CDH13: variants seen among roughly 807,000 people sequenced by gnomAD.
CDH13 encodes cadherin 13, also known as cadherin-13.
CDH13 carries 24 observed loss-of-function variants against 63.8 expected under a neutral mutation model. The ratio of observed to expected loss-of-function variants is 0.38; its 90% CI spans 0.27 to 0.53. CDH13 has a LOEUF of 0.53. Ranked by LOEUF, CDH13 falls within the 20% of genes least tolerant of loss-of-function variation. The pLI, the probability that CDH13 is intolerant of heterozygous loss-of-function variation, is 0.85. For synonymous variants in CDH13, 503 were observed against 355.3 expected (o/e 1.42, Z -4.67); for missense variants, 1,049 against 903.1 (o/e 1.16, Z -2.07).
intron 3 of CDH13, among the ~76,000 whole-genome samples, chr16:83,057,907 G>A (rs996267059): frequency 2.0e-5 from 3 of 152,096 alleles, no homozygotes; most frequent in Non-Finnish European, 4.4e-5. Flanking sequence ...CAATGGTAAG[G>A]TTCCTCCCTA....
intron 11 of CDH13, among the ~76,000 whole-genome samples, chr16:83,767,925 A>T (rs1321645373): frequency 6.6e-6 from 1 of 152,176 alleles, no homozygotes; most frequent in African/African-American, 2.4e-5. Context: ...GGTAGTGGTG[A>T]TGGTCGCACA....
At chr16:83,327,284 A>G (rs905310040) in intron 5 of CDH13, among the ~76,000 whole-genome samples, 9 of 152,248 alleles carry the variant, frequency 5.9e-5, no homozygotes, top group Non-Finnish European at 1.3e-4. Context: ...TTTGAGAGTG[A>G]CAATAACTTC....
chr16:83,628,541 A>G (rs1910520252), intron 8 of CDH13, among the ~76,000 whole-genome samples: 1 of 151,996 alleles, frequency 6.6e-6, no homozygotes, highest in South Asian at 2.1e-4. Context: ...AGTGTCGTAC[A>G]TCTTTGGGCA....
Position 83,143,965 on chromosome 16 carries a change from T to C in CDH13, c.483+18464T>C, listed in dbSNP as rs572764946. ...TGAGACGAGACAGAAGGCTGGTGGTTGCTGCTCTGCTGGTTACCAGCTGTT... is the reference window on the plus strand; with the variant it reads ...TGAGACGAGACAGAAGGCTGGTGGTCGCTGCTCTGCTGGTTACCAGCTGTT... On this transcript the variant is annotated intron_variant, in intron 4 of 13. Transcript: ENST00000567109. 2.0e-5 allele frequency among the ~76,000 whole-genome samples: 3 copies of C among 152,242 alleles called. No individual in the cohort carries two copies. The South Asian group carries it at 6.2e-4, about 32-fold the overall frequency.
intron 5 of CDH13, among the ~76,000 whole-genome samples, chr16:83,341,452 A>G (rs2090720456): frequency 6.6e-6 from 1 of 152,170 alleles, no homozygotes; most frequent in Non-Finnish European, 1.5e-5. Flanking sequence ...ATAAGGCTGT[A>G]TTTACTAACA....
Position 83,257,386 on chromosome 16 carries a change from C to A in CDH13, c.636+39889C>A, listed in dbSNP as rs1469955602. Among the ~76,000 whole-genome samples, 9 of 151,892 alleles carry A rather than the reference C, an allele frequency of 5.9e-5. No homozygotes were observed. The East Asian group carries it at 1.7e-3, about 29-fold the overall frequency. ...TTATATAAGGAGTATTCAAGCAGAC[C>A]CCAAAGGCCAAAGTTCATGGATGAG... is the stretch of plus-strand genomic sequence containing the variant. On this transcript the variant is annotated intron_variant, in intron 5 of 13. Coordinates refer to ENST00000567109, the MANE Select transcript of CDH13 (RefSeq NM_001257.5).
chr16:82,724,253 A>G (rs1407387172), intron 1 of CDH13, among the ~76,000 whole-genome samples: 1 of 151,804 alleles, frequency 6.6e-6, no homozygotes, highest in Admixed American at 6.6e-5. Flanking sequence ...CCATCCATCT[A>G]TCCATCTATG....
At chr16:83,623,775 C>G (rs79386032) in intron 8 of CDH13, among the ~76,000 whole-genome samples, 1,843 of 152,282 alleles carry the variant, frequency 0.012, 45 homozygotes, top group African/African-American at 0.043. Flanking sequence ...ACTGAATTGT[C>G]CACTTGTACC....
At chr16:83,330,638 A>G (rs571185839) in intron 5 of CDH13, among the ~76,000 whole-genome samples, 1 of 152,228 alleles carries the variant, frequency 6.6e-6, no homozygotes, top group African/African-American at 2.4e-5. Flanking sequence ...CCAGAAAAAC[A>G]GAGGCCAACT....
At position 82,672,999 on chromosome 16, in the gene CDH13, C is replaced by CTTTTTTTTTTTTTTT. The variant is rs562942948; in HGVS notation, c.45+45868_45+45882dup. On this transcript the variant is annotated intron_variant, in intron 1 of 13. Transcript: ENST00000567109. ...GTATGGCTAATTTTTATAAAGTTTTCTTTTTTTTTTTTTTTTTTTTGTAGA... is the reference window on the plus strand; with the variant it reads ...GTATGGCTAATTTTTATAAAGTTTTCTTTTTTTTTTTTTTTTTTTTTTTTTTTTTTTTTTTGTAGA... 1.8e-3 allele frequency among the ~76,000 whole-genome samples: 148 copies of CTTTTTTTTTTTTTTT among 81,258 alleles called. 13 individuals carry two copies. The highest frequency in any genetic ancestry group is 2.4e-3 in the Non-Finnish European group (112 of 46,848). The allele number at this position is 81,258 out of a possible 152,430, so 53.3% of individuals were successfully genotyped here. A position where few individuals can be genotyped will look rare whatever the true frequency, so the allele number is the denominator to read the frequency against.
At chr16:83,431,175 C>G (rs910242876) in intron 6 of CDH13, among the ~76,000 whole-genome samples, 2 of 151,780 alleles carry the variant, frequency 1.3e-5, no homozygotes, top group African/African-American at 2.4e-5. Context: ...GCATAGTATT[C>G]CATGGTGTAT....
At chr16:82,804,422 T>A (rs1429437481) in intron 1 of CDH13, among the ~76,000 whole-genome samples, 1 of 152,138 alleles carries the variant, frequency 6.6e-6, no homozygotes, top group African/African-American at 2.4e-5. Context: ...ATATAAAACA[T>A]ATCAAATTGT....
chr16:82,632,077 G>A (rs1349211889), intron 1 of CDH13, among the ~76,000 whole-genome samples: 6 of 152,066 alleles, frequency 3.9e-5, no homozygotes, highest in Non-Finnish European at 7.4e-5. Flanking sequence ...GTCAGGTCAG[G>A]CAACCCTAGA....
chr16:83,576,273 G>A (rs1163528802), intron 7 of CDH13, among the ~76,000 whole-genome samples: 7 of 152,116 alleles, frequency 4.6e-5, no homozygotes, highest in African/African-American at 7.2e-5. Context: ...TGACATTTTC[G>A]TGTCTGGAGT....
chr16:82,660,244 A>G (rs1911775941), intron 1 of CDH13, among the ~76,000 whole-genome samples: 1 of 152,154 alleles, frequency 6.6e-6, no homozygotes, highest in Admixed American at 6.5e-5. Context: ...AAGATTAGGA[A>G]CCTGGAGATA....
intron 2 of CDH13, among the ~76,000 whole-genome samples, chr16:82,920,867 G>A (rs989121897): frequency 6.6e-6 from 1 of 152,090 alleles, no homozygotes; most frequent in Admixed American, 6.6e-5. Context: ...CTCCCTGAAG[G>A]CTTTTCAGAT....
chr16:82,924,288 T>C (rs2042240374), intron 2 of CDH13, among the ~76,000 whole-genome samples: 1 of 152,176 alleles, frequency 6.6e-6, no homozygotes, highest in Non-Finnish European at 1.5e-5. Context: ...GCCTTGTTCA[T>C]GCAGAGACAA....
chr16:82,733,945 C>G (rs997250437), intron 1 of CDH13, among the ~76,000 whole-genome samples: 1 of 152,190 alleles, frequency 6.6e-6, no homozygotes, highest in Non-Finnish European at 1.5e-5. Context: ...CTTGATGGCA[C>G]TTACTTCTTA....
chr16:83,508,291 A>G (rs1019647701), intron 7 of CDH13: 3 of 154,606 alleles, frequency 1.9e-5, no homozygotes, highest in African/African-American at 7.2e-5. Flanking sequence ...GTTCTGGAGG[A>G]TAGCAGTGAG....
Sources: gnomAD v4.1 joint callset for allele counts (sites outside exome capture counted in the v4.1 genomes callset) on GRCh38, gnomAD v4.1.1 for gene constraint, MANE v1.5 for transcripts, NCBI Gene and HGNC (gene_info 2026-07-23, HGNC 2026-07-21) for gene names.